The following VWC2 variants were observed in gnomAD, a reference collection of about 807,000 sequenced individuals.
VWC2 encodes von Willebrand factor C domain containing 2, also known as brorin.
VWC2 carries 14 observed loss-of-function variants against 29.8 expected under a neutral mutation model. The ratio of observed to expected loss-of-function variants is 0.47; its 90% CI spans 0.31 to 0.74. VWC2 has a LOEUF of 0.74. Ranked by LOEUF, VWC2 falls within the 30% of genes least tolerant of loss-of-function variation. VWC2 has a pLI of 0.05. For missense variants in VWC2, 457 were observed against 459.8 expected (o/e 0.99, Z 0.05); for synonymous variants, 213 against 199.0 (o/e 1.07, Z -0.59).
At chr7:49,795,445 C>T (rs1425306549) in intron 2 of VWC2, among the ~76,000 whole-genome samples, 10 of 152,280 alleles carry the variant, frequency 6.6e-5, no homozygotes, top group South Asian at 2.1e-4. Flanking sequence ...TCAGGCTTTG[C>T]ATTTATTCAC....
intron 3 of VWC2, among the ~76,000 whole-genome samples, chr7:49,811,939 C>T (rs1195610188): frequency 1.3e-5 from 2 of 152,104 alleles, no homozygotes; most frequent in African/African-American, 2.4e-5. Flanking sequence ...TGTTCATTAA[C>T]CAGTGAATGG....
In VWC2 at chr7:49,916,676, C is replaced by T. The variant is rs1793743539; in HGVS notation, c.*4491C>T. Reference sequence around the variant, plus strand: ...TGTTAAAGGCTTGTTGAATTGTATTCCATCTATTAGTTCAGAGTTATTTGC... The same window carrying T: ...TGTTAAAGGCTTGTTGAATTGTATTTCATCTATTAGTTCAGAGTTATTTGC... On this transcript the variant is annotated 3_prime_UTR_variant, in exon 4 of 4. Coordinates refer to ENST00000340652, the MANE Select transcript of VWC2 (RefSeq NM_198570.5). The T allele has an allele frequency of 6.6e-6, 1 of 152,146 alleles. No homozygotes were observed. Among genetic ancestry groups the T allele is most frequent in the African/African-American group, 2.4e-5 (1 of 41,432 alleles). 9.4% of individuals were successfully genotyped at this position (152,146 alleles called of 1,614,324 possible).
chr7:49,801,707 C>T (rs1051147478), intron 2 of VWC2, among the ~76,000 whole-genome samples: 2 of 152,262 alleles, frequency 1.3e-5, no homozygotes, highest in Admixed American at 6.5e-5. Context: ...ACCATGGACT[C>T]GCAGTCAGGA....
chr7:49,894,589 T>C (rs1436120517), intron 3 of VWC2, among the ~76,000 whole-genome samples: 1 of 152,246 alleles, frequency 6.6e-6, no homozygotes, highest in Non-Finnish European at 1.5e-5. Flanking sequence ...GTACATATAC[T>C]GAGCTCTAGC....
chr7:49,814,692 C>T (rs1789093942), intron 3 of VWC2, among the ~76,000 whole-genome samples: 1 of 152,164 alleles, frequency 6.6e-6, no homozygotes. Flanking sequence ...ACAAACTTCC[C>T]ATGCCTTTGG....
intron 3 of VWC2, among the ~76,000 whole-genome samples, chr7:49,888,185 A>G (rs1384667259): frequency 6.6e-6 from 1 of 152,138 alleles, no homozygotes; most frequent in African/African-American, 2.4e-5. Context: ...CTTTTAAAAA[A>G]TTTTCTGACA....
intron 3 of VWC2, among the ~76,000 whole-genome samples, chr7:49,829,234 C>T (rs891917654): frequency 6.6e-6 from 1 of 152,216 alleles, no homozygotes; most frequent in Admixed American, 6.5e-5. Context: ...ATCAGGATTT[C>T]TCTTTAGCAG....
intron 3 of VWC2, among the ~76,000 whole-genome samples, chr7:49,886,807 T>C (rs1791923088): frequency 6.6e-6 from 1 of 152,244 alleles, no homozygotes; most frequent in Non-Finnish European, 1.5e-5. Flanking sequence ...CACAACACTT[T>C]GGTGCTCCTC....
In VWC2 at chr7:49,802,707, T is replaced by G. The variant is rs1788771239; in HGVS notation, c.697-4T>G. On this transcript the variant is annotated splice_polypyrimidine_tract_variant and splice_region_variant and intron_variant, in intron 2 of 3. Transcript: ENST00000340652. The stretch of plus-strand genomic sequence containing the variant: ...AAAGTGCTGATTGTGGGCTTGTGTT[T>G]CAGGTGTCTCCATGCGAGAGGTGTC... 1 of 1,614,108 alleles carries G rather than the reference T, an allele frequency of 6.2e-7. No homozygotes were observed. Among genetic ancestry groups the G allele is most frequent in the Non-Finnish European group, 8.5e-7 (1 of 1,180,038 alleles).
At position 49,778,287 on chromosome 7, in the gene VWC2, A is replaced by G. The variant is rs116573245; in HGVS notation, c.696+2156A>G. Among the ~76,000 whole-genome samples the G allele has an allele frequency of 8.3e-3, 1,265 of 152,248 alleles. 23 individuals are homozygous for G. Among genetic ancestry groups the G allele is most frequent in the African/African-American group, 0.029 (1,222 of 41,526 alleles). On this transcript the variant is annotated intron_variant, in intron 2 of 3. Coordinates refer to ENST00000340652, the MANE Select transcript of VWC2 (RefSeq NM_198570.5). The stretch of plus-strand genomic sequence containing the variant: ...TATTGACAAAAGGGAAATTGGAAAG[A>G]TTACAATCTTAGGAAGAATTAAAAT...
At position 49,913,518 on chromosome 7, in the gene VWC2, T is replaced by C. The variant is rs1564740; in HGVS notation, c.*1333T>C. 0.77 allele frequency: 116,520 copies of C among 152,128 alleles called. 44,820 individuals carry two copies. The highest frequency in any genetic ancestry group is 0.89 in the East Asian group (4,631 of 5,184). The allele number at this position is 152,128 out of a possible 1,614,324, so 9.4% of individuals were successfully genotyped here. A position where few individuals can be genotyped will look rare whatever the true frequency, so the allele number is the denominator to read the frequency against. On this transcript the variant is annotated 3_prime_UTR_variant, in exon 4 of 4. Coordinates refer to ENST00000340652, the MANE Select transcript of VWC2 (RefSeq NM_198570.5). ...CTTTAAAGGATTAAAATATATATAA[T>C]CATTATTTGAAGCCTCTAAAGGTAT...
chr7:49,866,153 A>G (rs1790882041), intron 3 of VWC2, among the ~76,000 whole-genome samples: 1 of 152,126 alleles, frequency 6.6e-6, no homozygotes, highest in Non-Finnish European at 1.5e-5. Context: ...TCTAAGCCAA[A>G]CAATTCCTTC....
rs143035117 is a variant in VWC2, at chr7:49,817,899, T to C, written c.826+15059T>C. 5.3e-3 allele frequency among the ~76,000 whole-genome samples: 803 copies of C among 152,296 alleles called. 6 individuals are homozygous for C. The highest frequency in any genetic ancestry group is 0.018 in the African/African-American group (745 of 41,562). The stretch of plus-strand genomic sequence containing the variant: ...AATTCATTAATTAGGAAAACAGAAA[T>C]TTTTCAGATAATAAGAATTAAATGC... On this transcript the variant is annotated intron_variant, in intron 3 of 3. Coordinates refer to ENST00000340652, the MANE Select transcript of VWC2 (RefSeq NM_198570.5).
At chr7:49,900,079 C>T (rs1278906218) in intron 3 of VWC2, among the ~76,000 whole-genome samples, 2 of 151,056 alleles carry the variant, frequency 1.3e-5, no homozygotes, top group African/African-American at 4.9e-5. Flanking sequence ...ACACATGGAG[C>T]CTAGAAGTCT....
intron 1 of VWC2, among the ~76,000 whole-genome samples, chr7:49,774,561 T>C (rs1251280640): frequency 6.6e-6 from 1 of 152,150 alleles, no homozygotes; most frequent in Non-Finnish European, 1.5e-5. Context: ...CTGCACACCT[T>C]GGTGCTGCCC....
intron 2 of VWC2, among the ~76,000 whole-genome samples, chr7:49,788,913 T>A (rs1322308208): frequency 2.2e-5 from 3 of 136,218 alleles, no homozygotes; most frequent in African/African-American, 2.8e-5. Context: ...GGTGTGAGAG[T>A]GTGTGTGGCC....
chr7:49,858,177 A>T (rs905170143), intron 3 of VWC2, among the ~76,000 whole-genome samples: 2 of 152,114 alleles, frequency 1.3e-5, no homozygotes, highest in Non-Finnish European at 2.9e-5. Context: ...TGGCTTTTTA[A>T]TGATTGCCAT....
At chr7:49,909,209 T>C (rs551581227) in intron 3 of VWC2, among the ~76,000 whole-genome samples, 1 of 152,348 alleles carries the variant, frequency 6.6e-6, no homozygotes, top group African/African-American at 2.4e-5. Context: ...TATCTAAGGA[T>C]ACAGGTCTTC....
At chr7:49,839,872 A>C (rs1043967417) in intron 3 of VWC2, among the ~76,000 whole-genome samples, 1 of 152,268 alleles carries the variant, frequency 6.6e-6, no homozygotes, top group Non-Finnish European at 1.5e-5. Flanking sequence ...GAAGCATTCA[A>C]AGAAGATCTG....
Sources: gnomAD v4.1 joint callset for allele counts (sites outside exome capture counted in the v4.1 genomes callset) on GRCh38, gnomAD v4.1.1 for gene constraint, MANE v1.5 for transcripts, NCBI Gene and HGNC (gene_info 2026-07-23, HGNC 2026-07-21) for gene names.